Variants in OR6C1 observed in about 807,000 individuals in gnomAD.
OR6C1 encodes olfactory receptor family 6 subfamily C member 1.
For missense variants in OR6C1, 386 were observed against 366.1 expected, an observed-to-expected ratio of 1.05 and a Z score of -0.44; for synonymous variants, 157 against 133.3, an observed-to-expected ratio of 1.18 and a Z score of -1.22.
At chr12:55,316,413 G>T (rs1868412037) in intron 1 of OR6C1, among the ~76,000 whole-genome samples, 1 of 151,620 alleles carries the variant, frequency 6.6e-6, no homozygotes, top group Non-Finnish European at 1.5e-5. Flanking sequence ...ATTTTAAATG[G>T]CTCAAATAAT....
chr12:55,315,402 T>C (rs1483483155), intron 1 of OR6C1, among the ~76,000 whole-genome samples: 1 of 151,704 alleles, frequency 6.6e-6, no homozygotes, highest in Non-Finnish European at 1.5e-5. Context: ...CTTGTTAAAA[T>C]TATAAATGGC....
Position 55,322,308 on chromosome 12 carries a change from ATCT to A in OR6C1, c.*775_*777del, listed in dbSNP as rs1868583622. Reference sequence around the variant, plus strand: ...ATCATTACCTAAAAGTAGTATGTAAATCTTCTTAAATTTTAGACTAGTTTAAAA... The same window carrying A: ...ATCATTACCTAAAAGTAGTATGTAAATCTTAAATTTTAGACTAGTTTAAAA... On this transcript the variant is annotated 3_prime_UTR_variant, in exon 2 of 2. Transcript: ENST00000642104. 1 of 152,024 alleles carries A rather than the reference ATCT, an allele frequency of 6.6e-6. No homozygotes were observed. Among genetic ancestry groups the A allele is most frequent in the Admixed American group, 6.6e-5 (1 of 15,266 alleles). 9.4% of individuals were successfully genotyped at this position (152,024 alleles called of 1,614,324 possible).
At chr12:55,315,539 A>G (rs1868394917) in intron 1 of OR6C1, among the ~76,000 whole-genome samples, 1 of 151,768 alleles carries the variant, frequency 6.6e-6, no homozygotes, top group Non-Finnish European at 1.5e-5. Flanking sequence ...ATTTGTTTCT[A>G]TACACACTTG....
chr12:55,320,739 C>T lies in OR6C1; in HGVS notation c.140C>T (p.Thr47Ile), dbSNP rs1657785598. ...GGGAACCTGACCCTTATCACAATTA[C>T]CCTGCTGGATTCCCACCTGCAGACC... is the stretch of plus-strand genomic sequence containing the variant. ...ITGNLTLITI[T>I]LLDSHLQTPM... Residue 47 changes from threonine to isoleucine, a missense_variant, in exon 2 of 2, where the codon ACC (threonine) becomes ATC (isoleucine). Coordinates refer to ENST00000642104, the MANE Select transcript of OR6C1 (RefSeq NM_001005182.2). 4 of 1,614,050 alleles carry T rather than the reference C, an allele frequency of 2.5e-6. No homozygotes were observed. The highest frequency in any genetic ancestry group is 2.2e-5 in the East Asian group (1 of 44,882).
At chr12:55,316,277 T>C (rs1868409810) in intron 1 of OR6C1, among the ~76,000 whole-genome samples, 1 of 151,776 alleles carries the variant, frequency 6.6e-6, no homozygotes, top group Admixed American at 6.6e-5. Flanking sequence ...TAACCTAATT[T>C]ATTTAAGGGG....
intron 1 of OR6C1, among the ~76,000 whole-genome samples, chr12:55,317,943 G>GTA (rs201954833): frequency 2.1e-5 from 3 of 140,304 alleles, no homozygotes; most frequent in Non-Finnish European, 4.5e-5. Flanking sequence ...ATATATATAT[G>GTA]TATATATATA....
At chr12:55,316,111 A>G (rs1230582242) in intron 1 of OR6C1, among the ~76,000 whole-genome samples, 3 of 140,394 alleles carry the variant, frequency 2.1e-5, no homozygotes, top group Admixed American at 6.9e-5. Flanking sequence ...ACACACACAC[A>G]CACACACACA....
Position 55,320,819 on chromosome 12 carries a change from G to A in OR6C1, c.220G>A (p.Val74Ile), listed in dbSNP as rs75802465. 2.1e-3 allele frequency: 3,389 copies of A among 1,613,466 alleles called. 58 individuals are homozygous for A. In the African/African-American group the frequency reaches 0.04, roughly 19 times the overall value. ...FSILEISFTTVSIPKFLGNII... is the reference protein window; with the variant it reads ...FSILEISFTTISIPKFLGNII... ...CATATTAGAAATTTCGTTCACAACC[G>A]TCAGTATACCCAAGTTTCTGGGTAA... is the stretch of plus-strand genomic sequence containing the variant. The change falls in exon 2 of 2, where the codon GTC (valine) becomes ATC (isoleucine). Residue 74 changes from valine to isoleucine, a missense_variant. By Grantham distance (29) the Val-to-Ile change is conservative (BLOSUM62 3). Transcript: ENST00000642104.
In OR6C1 at chr12:55,321,498, T is replaced by C; in HGVS notation, c.899T>C (p.Ile300Thr). The change falls in exon 2 of 2, where the codon ATT becomes ACT. Residue 300 changes from isoleucine to threonine, a missense_variant. By Grantham distance (89) the Ile-to-Thr change is moderately conservative. Coordinates refer to ENST00000642104, the MANE Select transcript of OR6C1 (RefSeq NM_001005182.2). Reference sequence around the variant, plus strand: ...AATCAGCAAGTCAAGCAAGCTTTCATTAACATGGCAAGGAAGACTGTATTT... The same window carrying C: ...AATCAGCAAGTCAAGCAAGCTTTCACTAACATGGCAAGGAAGACTGTATTT... Reference protein sequence around the residue: ...LRNQQVKQAFINMARKTVFFT... With the variant: ...LRNQQVKQAFTNMARKTVFFT... 1 of 1,613,418 alleles carries C rather than the reference T, an allele frequency of 6.2e-7. No homozygotes were observed.
intron 1 of OR6C1, among the ~76,000 whole-genome samples, chr12:55,318,957 G>A (rs192166514): frequency 8.5e-5 from 13 of 152,050 alleles, no homozygotes; most frequent in Non-Finnish European, 1.5e-4. Flanking sequence ...ATTAAAAATT[G>A]CTATTTCAAA....
At position 55,321,139 on chromosome 12, in the gene OR6C1, T is replaced by C. The variant is rs1868538290; in HGVS notation, c.540T>C (p.Phe180=). Residue 180 remains phenylalanine (F), a synonymous_variant, in exon 2 of 2, where the codon TTT becomes TTC. Coordinates refer to ENST00000642104, the MANE Select transcript of OR6C1 (RefSeq NM_001005182.2). The stretch of plus-strand genomic sequence containing the variant: ...TTGACCATTTTACCTGTGATTATTT[T>C]CCACTGCTGCAACTTGCTTGTTCAG... The part of the protein sequence containing the change: ...NIIDHFTCDY[F]PLLQLACSDT... 3 of 1,614,046 alleles carry C rather than the reference T, an allele frequency of 1.9e-6. No individual in the cohort carries two copies. In the African/African-American group the frequency reaches 4.0e-5, roughly 22 times the overall value.
intron 1 of OR6C1, among the ~76,000 whole-genome samples, chr12:55,319,545 G>T (rs770874520): frequency 2.6e-5 from 4 of 152,182 alleles, no homozygotes; most frequent in Non-Finnish European, 2.9e-5. Flanking sequence ...ACACTGGAAA[G>T]GTTTAGGGGA....
chr12:55,320,442 C>G (rs901012761), intron 1 of OR6C1, 125 bp from the exon 2 acceptor site: 3 of 585,696 alleles, frequency 5.1e-6, no homozygotes, highest in Non-Finnish European at 9.0e-6. Context: ...CTGTTATTAT[C>G]GGGTGGCGTT....
chr12:55,318,069 A>G (rs1209488966), intron 1 of OR6C1, among the ~76,000 whole-genome samples: 1 of 151,540 alleles, frequency 6.6e-6, no homozygotes, highest in Non-Finnish European at 1.5e-5. Flanking sequence ...ATATGTATAT[A>G]TAATATATAT....
In OR6C1 at chr12:55,320,778, T is replaced by TCCTCAGAAATTTCTC. The variant is rs1868522682; in HGVS notation, c.181_195dup (p.Leu61_Ser65dup). 6.2e-7 allele frequency: 1 copy of TCCTCAGAAATTTCTC among 1,613,978 alleles called. No individual in the cohort carries two copies. Among genetic ancestry groups the TCCTCAGAAATTTCTC allele is most frequent in the African/African-American group, 1.3e-5 (1 of 74,946 alleles). On this transcript the variant is annotated inframe_insertion, in exon 2 of 2. Transcript: ENST00000642104. ...CACCTGCAGACCCCCATGTATTTCT[T>TCCTCAGAAATTTCTC]CCTCAGAAATTTCTCCATATTAGAA...
In OR6C1 at chr12:55,320,909, CTCTTG is replaced by C; in HGVS notation, c.311_315del (p.Leu104ArgfsTer14). On this transcript the variant is annotated frameshift_variant, in exon 2 of 2. Transcript: ENST00000642104. LOFTEE classifies it low-confidence loss of function (END_TRUNC). ...CATAGTTCAGTTATTTTTCTTCATT[CTCTTG>C]GGAGTCACAGAGTTTTACCTTCTGG... The C allele has an allele frequency of 1.2e-6, 2 of 1,613,916 alleles. No individual in the cohort carries two copies. The highest frequency in any genetic ancestry group is 1.7e-6 in the Non-Finnish European group (2 of 1,179,870).
intron 1 of OR6C1, among the ~76,000 whole-genome samples, chr12:55,320,269 C>T (rs968613536): frequency 1.3e-5 from 2 of 152,134 alleles, no homozygotes; most frequent in African/African-American, 2.4e-5. Flanking sequence ...AGGGAGGAAA[C>T]TTGTAGGCAT....
chr12:55,320,587 A>T lies in OR6C1; in HGVS notation c.-13A>T. The T allele has an allele frequency of 6.7e-7, 1 of 1,488,776 alleles. No individual in the cohort carries two copies. The highest frequency in any genetic ancestry group is 9.2e-7 in the Non-Finnish European group (1 of 1,085,882). The allele number at this position is 1,488,776 out of a possible 1,614,324, so 92.2% of individuals were successfully genotyped here. A position where few individuals can be genotyped will look rare whatever the true frequency, so the allele number is the denominator to read the frequency against. On this transcript the variant is annotated 5_prime_UTR_variant, in exon 2 of 2. An upstream open reading frame in the 5' UTR gains an earlier in-frame stop. Transcript: ENST00000642104. ...TGTAGGTCTGGCAGGGGAAAAAAGA[A>T]AGCAACTGAAGAATGAGAAACCATA...
rs754484546 is a variant in OR6C1, at chr12:55,320,558, C to T, written c.-33-9C>T. On this transcript the variant is annotated splice_polypyrimidine_tract_variant and intron_variant, in intron 1 of 1. Transcript: ENST00000642104. ...TCTTCAAGTTTGTTCTTTGTACTTT[C>T]TCTTGTAGGTCTGGCAGGGGAAAAA... 8.6e-7 allele frequency: 1 copy of T among 1,164,422 alleles called. No individual in the cohort carries two copies. Among genetic ancestry groups the T allele is most frequent in the Non-Finnish European group, 1.2e-6 (1 of 803,110 alleles). 72.1% of individuals were successfully genotyped at this position (1,164,422 alleles called of 1,614,324 possible). A position where few individuals can be genotyped will look rare whatever the true frequency, so the allele number is the denominator to read the frequency against.
Sources: gnomAD v4.1 joint callset for allele counts (sites outside exome capture counted in the v4.1 genomes callset) on GRCh38, gnomAD v4.1.1 for gene constraint, MANE v1.5 for transcripts, NCBI Gene and HGNC (gene_info 2026-07-23, HGNC 2026-07-21) for gene names.